The following FIRRM variants were observed in gnomAD, a reference collection of about 807,000 sequenced individuals.
The protein encoded by FIRRM is FIGNL1-interacting regulator of recombination and mitosis.
the FIRRM span, among the ~76,000 whole-genome samples, chr1:169,833,661 TG>T: frequency 3.3e-5 from 5 of 152,262 alleles, no homozygotes; most frequent in South Asian, 1.0e-3. Context: ...CTAGAGTGGT[TG>T]GCCAGGAACC....
chr1:169,796,052 A>T, the FIRRM span: 3 of 791,738 alleles, frequency 3.8e-6, no homozygotes, highest in Non-Finnish European at 4.6e-6. Flanking sequence ...CACTCAAAAG[A>T]AAAAAAGTAA....
At chr1:169,849,453 C>G in the FIRRM span, 2 of 1,377,566 alleles carry the variant, frequency 1.5e-6, no homozygotes, top group South Asian at 1.2e-5. Context: ...TTATGATTAT[C>G]TATTATGGTT....
chr1:169,806,233 T>C, the FIRRM span: 139 of 591,520 alleles, frequency 2.3e-4, no homozygotes, highest in African/African-American at 2.6e-3. Context: ...ATCCAGATAT[T>C]CTACATGTAG....
At chr1:169,824,928 C>T in the FIRRM span, among the ~76,000 whole-genome samples, 8 of 152,096 alleles carry the variant, frequency 5.3e-5, no homozygotes, top group African/African-American at 4.8e-5. Context: ...CTAAATTGTC[C>T]CAAACTGAAC....
chr1:169,804,263 T>G, the FIRRM span: 3 of 1,438,240 alleles, frequency 2.1e-6, no homozygotes, highest in South Asian at 5.0e-5. Flanking sequence ...AACTTTCTGC[T>G]TAGTATATGG....
chr1:169,812,179 C>T, the FIRRM span, among the ~76,000 whole-genome samples: 10 of 152,162 alleles, frequency 6.6e-5, no homozygotes, highest in Non-Finnish European at 7.4e-5. Context: ...CTAGAGGCTT[C>T]GAACAAATCT....
At chr1:169,816,984 A>G in the FIRRM span, among the ~76,000 whole-genome samples, 4 of 152,202 alleles carry the variant, frequency 2.6e-5, no homozygotes, top group African/African-American at 9.7e-5. Context: ...AGAAACAAAT[A>G]TGCTCCAAAT....
the FIRRM span, chr1:169,799,017 A>T: frequency 1.5e-6 from 1 of 659,762 alleles, no homozygotes; most frequent in Non-Finnish European, 2.6e-6. Context: ...GAGTCCCCAC[A>T]TACCTCGGTA....
the FIRRM span, chr1:169,852,701 A>G: frequency 1.7e-5 from 23 of 1,355,190 alleles, no homozygotes; most frequent in Non-Finnish European, 2.4e-5. Flanking sequence ...ACTAGAATAA[A>G]ATTTGCATGT....
chr1:169,849,223 G>A, the FIRRM span, among the ~76,000 whole-genome samples: 1 of 152,180 alleles, frequency 6.6e-6, no homozygotes, highest in Non-Finnish European at 1.5e-5. Context: ...CTGGAGATGG[G>A]AGCATGCCTC....
chr1:169,804,722 A>C, the FIRRM span, among the ~76,000 whole-genome samples: 10,697 of 152,202 alleles, frequency 0.07, 449 homozygotes, highest in Non-Finnish European at 0.099. Flanking sequence ...CTCACTGTGT[A>C]GCCCAGGCTG....
At chr1:169,853,050 A>T in the FIRRM span, 1 of 1,513,480 alleles carries the variant, frequency 6.6e-7, no homozygotes, top group South Asian at 1.2e-5. Flanking sequence ...ATGTCTGTAC[A>T]TTTTCTAACA....
At chr1:169,830,450 A>G in the FIRRM span, 1 of 1,067,378 alleles carries the variant, frequency 9.4e-7, no homozygotes, top group Non-Finnish European at 1.4e-6. Context: ...TAATCCTTTA[A>G]AAATAATTCC....
chr1:169,792,832 A>T, the FIRRM span: 35 of 1,613,796 alleles, frequency 2.2e-5, no homozygotes, highest in Non-Finnish European at 2.7e-5. Flanking sequence ...TGAGAATGAG[A>T]TCATATTTTA....
the FIRRM span, among the ~76,000 whole-genome samples, chr1:169,812,514 C>T: frequency 6.6e-6 from 1 of 152,092 alleles, no homozygotes; most frequent in Non-Finnish European, 1.5e-5. Flanking sequence ...GTAGAATAAA[C>T]TTTGTGCTTT....
At chr1:169,818,868 G>A in the FIRRM span, among the ~76,000 whole-genome samples, 2 of 152,078 alleles carry the variant, frequency 1.3e-5, no homozygotes, top group Non-Finnish European at 2.9e-5. Context: ...TGTGTTTTTA[G>A]TAGAGACAGG....
the FIRRM span, among the ~76,000 whole-genome samples, chr1:169,790,854 T>C: frequency 6.6e-6 from 1 of 152,204 alleles, no homozygotes; most frequent in African/African-American, 2.4e-5. Flanking sequence ...AATGGTACTC[T>C]AGGTTAGCAG....
chr1:169,829,077 A>G, the FIRRM span, among the ~76,000 whole-genome samples: 3 of 152,328 alleles, frequency 2.0e-5, no homozygotes, highest in South Asian at 6.2e-4. Context: ...CCTTTAAGGA[A>G]TTTCTTTGAC....
the FIRRM span, chr1:169,793,114 A>G: frequency 6.2e-7 from 1 of 1,614,198 alleles, no homozygotes; most frequent in Non-Finnish European, 8.5e-7. Context: ...ATCCACAACC[A>G]AGATCCAAGA....
Sources: allele counts gnomAD v4.1 joint callset (sites outside exome capture counted in the v4.1 genomes callset), GRCh38; gene constraint gnomAD v4.1.1; transcripts MANE v1.5; gene names NCBI Gene and HGNC (gene_info 2026-07-23, HGNC 2026-07-21).